The following ZNF114 variants were observed in gnomAD, a reference collection of about 807,000 sequenced individuals.
ZNF114 encodes the protein zinc finger protein 114 (Y18).
A neutral mutation model predicts 6.8 loss-of-function variants in ZNF114; 8 were observed. The ratio of observed to expected loss-of-function variants is 1.18; its 90% CI spans 0.69 to 2.13. The LOEUF is 2.13. Among genes scored for constraint, ZNF114 ranks in the 30% most tolerant of loss-of-function variants. ZNF114 has a pLI of 0.00. For missense variants in ZNF114, 472 were observed against 519.5 expected, an observed-to-expected ratio of 0.91 and a Z score of 0.89; for synonymous variants, 169 against 185.5, an observed-to-expected ratio of 0.91 and a Z score of 0.72.
Position 48,286,383 on chromosome 19 carries a change from C to G in ZNF114, c.759C>G (p.Cys253Trp). Residue 253 changes from cysteine (C) to tryptophan (W), a missense_variant, in exon 6 of 6, where the codon TGC (cysteine) becomes TGG (tryptophan). Physicochemically the swap from Cys to Trp is radical, Grantham distance 215 (BLOSUM62 -2). Coordinates refer to ENST00000595607, the MANE Select transcript of ZNF114 (RefSeq NM_153608.4). Reference sequence around the variant, plus strand: ...AGAAAATGTATGATTTTACTCAGTGCGAGAACACCTCCAGAAATAACTCAA... The same window carrying G: ...AGAAAATGTATGATTTTACTCAGTGGGAGAACACCTCCAGAAATAACTCAA... ...GREKMYDFTQ[C>W]ENTSRNNSIH... 6.2e-7 allele frequency: 1 copy of G among 1,614,130 alleles called. No homozygotes were observed. Among genetic ancestry groups the G allele is most frequent in the Non-Finnish European group, 8.5e-7 (1 of 1,180,038 alleles).
At chr19:48,279,853 C>T in intron 4 of ZNF114, 45 bp downstream of exon 4, 1 of 1,613,510 alleles carries the variant, frequency 6.2e-7, no homozygotes, top group Non-Finnish European at 8.5e-7. Flanking sequence ...TTGTCGTTCC[C>T]ACGAGTCAAT....
intron 3 of ZNF114, among the ~76,000 whole-genome samples, chr19:48,275,419 A>AACACAC (rs58275965): frequency 0.088 from 11,744 of 133,004 alleles, 614 homozygotes; most frequent in East Asian, 0.16. Flanking sequence ...TCTCTACTAA[A>AACACAC]ACACACACAC....
At chr19:48,283,390 A>G (rs900024297) in intron 5 of ZNF114, among the ~76,000 whole-genome samples, 2 of 152,142 alleles carry the variant, frequency 1.3e-5, no homozygotes, top group Non-Finnish European at 2.9e-5. Context: ...TGTCCATTTG[A>G]CAGAAAGTCT....
At chr19:48,280,450 G>A (rs1967959693) in intron 4 of ZNF114, among the ~76,000 whole-genome samples, 1 of 152,004 alleles carries the variant, frequency 6.6e-6, no homozygotes, top group Non-Finnish European at 1.5e-5. Context: ...TCTCACAGGG[G>A]ACACTAGGCG....
At chr19:48,282,555 C>T (rs549308211) in intron 5 of ZNF114, 58 bp downstream of exon 5, 14 of 1,550,390 alleles carry the variant, frequency 9.0e-6, no homozygotes, top group East Asian at 2.3e-5. Flanking sequence ...GGTTTGGAAC[C>T]GTGTTCTGGG....
chr19:48,273,761 T>C lies in ZNF114; in HGVS notation c.-70+1933T>C, dbSNP rs1462384663. Reference sequence around the variant, plus strand: ...CCAGGCAACAGTGGGGCTTTTCTTTTTTTTTTTTTTTTTTGAGACGGAGTC... The same window carrying C: ...CCAGGCAACAGTGGGGCTTTTCTTTCTTTTTTTTTTTTTTGAGACGGAGTC... On this transcript the variant is annotated intron_variant, in intron 3 of 5. Coordinates refer to ENST00000595607, the MANE Select transcript of ZNF114 (RefSeq NM_153608.4). 4.7e-5 allele frequency among the ~76,000 whole-genome samples: 7 copies of C among 148,592 alleles called. 1 individual carries two copies. Among genetic ancestry groups the C allele is most frequent in the African/African-American group, 1.5e-4 (6 of 40,672 alleles).
At chr19:48,284,110 G>A (rs771212045) in intron 5 of ZNF114, among the ~76,000 whole-genome samples, 2 of 152,142 alleles carry the variant, frequency 1.3e-5, no homozygotes, top group South Asian at 4.1e-4. Context: ...TGAAATCATC[G>A]GGATGAGGAA....
At chr19:48,275,938 C>T (rs1216961558) in intron 3 of ZNF114, among the ~76,000 whole-genome samples, 2 of 146,694 alleles carry the variant, frequency 1.4e-5, no homozygotes, top group Non-Finnish European at 3.0e-5. Context: ...GCTGAGATCG[C>T]ACCACTGCAC....
intron 5 of ZNF114, 149 bp from the exon 6 acceptor site, chr19:48,285,612 G>A (rs867047955): frequency 1.9e-5 from 16 of 854,734 alleles, no homozygotes; most frequent in African/African-American, 1.1e-4. Context: ...AGGAAGGAAG[G>A]AAGAAAGAAA....
intron 5 of ZNF114, 103 bp downstream of exon 5, chr19:48,282,600 C>T: frequency 7.1e-7 from 1 of 1,401,988 alleles, no homozygotes; most frequent in Non-Finnish European, 9.5e-7. Context: ...GGTTAAATTC[C>T]AGAGACACAG....
chr19:48,286,162 T>G lies in ZNF114; in HGVS notation c.538T>G (p.Leu180Val). 6.2e-7 allele frequency: 1 copy of G among 1,614,156 alleles called. No homozygotes were observed. The highest frequency in any genetic ancestry group is 8.5e-7 in the Non-Finnish European group (1 of 1,180,034). ...THENNEDDGV[L>V]GWNIQWVPCG... ...TGAAAACAACGAAGACGATGGAGTC[T>G]TGGGGTGGAACATTCAGTGGGTTCC... The change falls in exon 6 of 6, where the codon TTG becomes GTG. Residue 180 changes from leucine to valine, a missense_variant. By Grantham distance (32) the Leu-to-Val change is conservative (BLOSUM62 1). Transcript: ENST00000595607.
intron 5 of ZNF114, among the ~76,000 whole-genome samples, chr19:48,285,439 A>C (rs1349051058): frequency 6.6e-6 from 1 of 151,892 alleles, no homozygotes; most frequent in Non-Finnish European, 1.5e-5. Context: ...CGGAGGTTGT[A>C]ATGAGCCAAG....
intron 5 of ZNF114, among the ~76,000 whole-genome samples, chr19:48,283,846 G>C (rs1968053569): frequency 1.3e-5 from 2 of 152,004 alleles, no homozygotes; most frequent in Non-Finnish European, 2.9e-5. Flanking sequence ...CAATTCTTCT[G>C]CCTCAGCCTC....
intron 3 of ZNF114, among the ~76,000 whole-genome samples, chr19:48,278,266 T>C (rs1181708892): frequency 6.6e-6 from 1 of 152,128 alleles, no homozygotes; most frequent in Non-Finnish European, 1.5e-5. Context: ...TGCAATTCAA[T>C]GGCTTTTAGT....
chr19:48,272,920 C>A (rs955363817), intron 3 of ZNF114, among the ~76,000 whole-genome samples: 1 of 150,616 alleles, frequency 6.6e-6, no homozygotes, highest in Non-Finnish European at 1.5e-5. Context: ...CTCAGCCTCT[C>A]AAGTAGCTGG....
intron 3 of ZNF114, among the ~76,000 whole-genome samples, chr19:48,274,218 G>C (rs60252164): frequency 5.3e-5 from 8 of 151,172 alleles, no homozygotes; most frequent in Non-Finnish European, 1.0e-4. Context: ...TAATGGTTTA[G>C]AAAAGTTTTG....
chr19:48,272,860 A>AG (rs1568989246), intron 3 of ZNF114, among the ~76,000 whole-genome samples: 2 of 130,500 alleles, frequency 1.5e-5, no homozygotes, highest in Admixed American at 9.2e-5. Context: ...CTGTGGCGCG[A>AG]TCTCTGCTCA....
intron 5 of ZNF114, among the ~76,000 whole-genome samples, chr19:48,283,745 G>C (rs1455820535): frequency 6.9e-6 from 1 of 144,750 alleles, no homozygotes; most frequent in African/African-American, 2.5e-5. Flanking sequence ...TTTTTTTTTT[G>C]TTTTTGAGAC....
At chr19:48,285,682 C>G (rs1006713832) in intron 5 of ZNF114, 79 bp from the exon 6 acceptor site, 2 of 1,439,476 alleles carry the variant, frequency 1.4e-6, no homozygotes, top group East Asian at 2.4e-5. Context: ...GAAATCCACA[C>G]GGAGATTGCC....
Sources: allele counts gnomAD v4.1 joint callset (sites outside exome capture counted in the v4.1 genomes callset), GRCh38; gene constraint gnomAD v4.1.1; transcripts MANE v1.5; gene names NCBI Gene and HGNC (gene_info 2026-07-23, HGNC 2026-07-21).